Variants in CASK observed in about 807,000 individuals in gnomAD.
CASK encodes the protein calcium/calmodulin dependent serine protein kinase, also known as peripheral plasma membrane protein CASK.
Under a neutral mutation model 82.9 loss-of-function variants are expected in CASK, and 4 were observed. The observed-to-expected ratio is 0.05, with a 90% CI of 0.02 to 0.11. The LOEUF (loss-of-function observed/expected upper bound fraction) is 0.11. Among genes scored for constraint, CASK ranks in the 10% least tolerant of loss-of-function variants. The pLI, the probability that CASK is intolerant of heterozygous loss-of-function variation, is 1.00. For synonymous variants in CASK, 259 were observed against 253.5 expected (o/e 1.02, Z -0.20); for missense variants, 358 against 720.9 (o/e 0.50, Z 5.76).
intron 5 of CASK, among the ~76,000 whole-genome samples, chrX:41,711,516 G>A (rs997379721): frequency 9.0e-6 from 1 of 110,671 alleles, no homozygotes; most frequent in African/African-American, 3.3e-5. Flanking sequence ...GACAGATAGG[G>A]GCGAGTCCTC....
intron 3 of CASK, 49 bp downstream of exon 3, chrX:41,787,129 C>T (rs780047508): frequency 1.3e-6 from 1 of 743,692 alleles, no homozygotes; most frequent in Non-Finnish European, 2.1e-6. Flanking sequence ...TTATCCAACA[C>T]CAACATTGCT....
At chrX:41,646,913 C>T (rs2066768277) in intron 8 of CASK, among the ~76,000 whole-genome samples, 1 of 111,614 alleles carries the variant, frequency 9.0e-6, no homozygotes, top group African/African-American at 3.3e-5. Context: ...GTATCCTCCC[C>T]CTCAATACAT....
intron 25 of CASK, among the ~76,000 whole-genome samples, chrX:41,529,253 A>G (rs932676230): frequency 9.0e-6 from 1 of 111,350 alleles, no homozygotes; most frequent in African/African-American, 3.3e-5. Context: ...GCCAAGTGCA[A>G]TGGGTAAAAG....
At chrX:41,894,448 G>A (rs765982198) in intron 1 of CASK, among the ~76,000 whole-genome samples, 6 of 110,665 alleles carry the variant, frequency 5.4e-5, no homozygotes, top group Admixed American at 9.6e-5. Flanking sequence ...AAATTTCAAC[G>A]AGTAATCCAT....
chrX:41,523,695 C>T (rs752609374), intron 26 of CASK, among the ~76,000 whole-genome samples: 6 of 112,113 alleles, frequency 5.4e-5, no homozygotes, highest in East Asian at 5.6e-4. Context: ...AATCCCTATC[C>T]GGAGAGGGAA....
chrX:41,586,563 C>T (rs966091060), intron 14 of CASK: 1 of 146,549 alleles, frequency 6.8e-6, no homozygotes, highest in South Asian at 2.2e-4. Flanking sequence ...TAGATTCAGA[C>T]GATTCCTTAT....
chrX:41,825,127 C>T (rs2070632903), intron 2 of CASK, among the ~76,000 whole-genome samples: 1 of 110,641 alleles, frequency 9.0e-6, no homozygotes, highest in Admixed American at 9.6e-5. Context: ...GAACAGATAC[C>T]CCATTTTACA....
intron 5 of CASK, among the ~76,000 whole-genome samples, chrX:41,725,466 G>A (rs187054012): frequency 1.6e-4 from 18 of 111,126 alleles, no homozygotes; most frequent in African/African-American, 5.5e-4. Flanking sequence ...TTAAAAAGAA[G>A]ATTGAGAAAC....
intron 2 of CASK, among the ~76,000 whole-genome samples, chrX:41,809,311 C>T (rs1042041382): frequency 8.9e-6 from 1 of 112,294 alleles, no homozygotes; most frequent in Non-Finnish European, 1.9e-5. Flanking sequence ...TCCCTGACCC[C>T]CAAGTAGCCT....
chrX:41,778,233 AT>A (rs1171839577), intron 3 of CASK, among the ~76,000 whole-genome samples: 48 of 104,652 alleles, frequency 4.6e-4, no homozygotes, highest in African/African-American at 4.1e-4. Context: ...TACACTAAGA[AT>A]TTTTTTTTTT....
intron 21 of CASK, among the ~76,000 whole-genome samples, chrX:41,548,823 T>C (rs1466512293): frequency 8.9e-6 from 1 of 112,226 alleles, no homozygotes; most frequent in Non-Finnish European, 1.9e-5. Context: ...GTTCTTAAGC[T>C]TAAAACAAAA....
At chrX:41,858,630 G>A (rs916859538) in intron 1 of CASK, among the ~76,000 whole-genome samples, 1 of 111,757 alleles carries the variant, frequency 8.9e-6, no homozygotes, top group East Asian at 2.8e-4. Context: ...CGACTTCCCA[G>A]AATGGGCTCC....
In CASK at chrX:41,830,196, C is replaced by T. The variant is rs957857373; in HGVS notation, c.172+22919G>A. On this transcript the variant is annotated intron_variant, in intron 2 of 26. Coordinates refer to ENST00000378163, the MANE Select transcript of CASK (RefSeq NM_001367721.1). ...TTTATTTTTTGTAGAGATCGGGTCT[C>T]ACTATGTTGCCCAGGCTGGTCTTGA... Among the ~76,000 whole-genome samples, 6 of 108,730 alleles carry T rather than the reference C, an allele frequency of 5.5e-5. 1 individual carries two copies. The highest frequency in any genetic ancestry group is 2.0e-4 in the African/African-American group (6 of 29,821). 94.4% of individuals were successfully genotyped at this position (108,730 alleles called of 115,157 possible).
intron 16 of CASK, among the ~76,000 whole-genome samples, chrX:41,563,896 A>G (rs12012372): frequency 0.15 from 17,005 of 111,127 alleles, 1,010 homozygotes; most frequent in Middle Eastern, 0.18. Context: ...ATTATATAAA[A>G]TCTCTCGGAG....
chrX:41,894,534 G>A (rs942676504), intron 1 of CASK, among the ~76,000 whole-genome samples: 2 of 103,559 alleles, frequency 1.9e-5, no homozygotes, highest in African/African-American at 7.0e-5. Flanking sequence ...TAACAGAAAT[G>A]TAGTCCAGGC....
intron 1 of CASK, among the ~76,000 whole-genome samples, chrX:41,859,391 AT>A (rs1225463513): frequency 2.7e-5 from 3 of 111,610 alleles, no homozygotes; most frequent in Non-Finnish European, 5.6e-5. Context: ...TAACCCCCAA[AT>A]CAACAGTCAT....
intron 1 of CASK, among the ~76,000 whole-genome samples, chrX:41,888,857 G>A (rs1369254323): frequency 2.8e-5 from 3 of 105,902 alleles, no homozygotes; most frequent in Admixed American, 1.0e-4. Flanking sequence ...GTATATATAC[G>A]CAAACACACC....
chrX:41,710,340 C>T (rs1037847229), intron 5 of CASK, among the ~76,000 whole-genome samples: 7 of 110,864 alleles, frequency 6.3e-5, no homozygotes, highest in African/African-American at 1.6e-4. Context: ...TTTTGCCTCA[C>T]GTAATTCAAT....
At chrX:41,543,823 C>T (rs1160813444) in intron 21 of CASK, among the ~76,000 whole-genome samples, 1 of 112,172 alleles carries the variant, frequency 8.9e-6, no homozygotes, top group Admixed American at 9.4e-5. Flanking sequence ...ACACTCCTAC[C>T]AGCAGTGTAT....
Sources: gnomAD v4.1 joint callset for allele counts (sites outside exome capture counted in the v4.1 genomes callset) on GRCh38, gnomAD v4.1.1 for gene constraint, MANE v1.5 for transcripts, NCBI Gene and HGNC (gene_info 2026-07-23, HGNC 2026-07-21) for gene names.